Variants in CSMD3 observed in about 807,000 individuals in gnomAD.
The protein encoded by CSMD3 is CUB and sushi domain-containing protein 3.
Under a neutral mutation model 435.2 loss-of-function variants are expected in CSMD3, and 177 were observed. The ratio of observed to expected loss-of-function variants is 0.41; its 90% CI spans 0.36 to 0.46. The LOEUF is 0.46. Among genes scored for constraint, CSMD3 ranks in the 20% least tolerant of loss-of-function variants. The pLI, the probability that CSMD3 is intolerant of heterozygous loss-of-function variation, is 0.34. For synonymous variants in CSMD3, 1,656 were observed against 1,520.5 expected, an observed-to-expected ratio of 1.09 and a Z score of -2.07; for missense variants, 4,265 against 4,504.6, an observed-to-expected ratio of 0.95 and a Z score of 1.52.
intron 1 of CSMD3, among the ~76,000 whole-genome samples, chr8:113,408,760 GTTCAAGCGATTC>G (rs1287187873): frequency 4.0e-5 from 6 of 151,754 alleles, no homozygotes; most frequent in Admixed American, 1.3e-4. Context: ...TGGGTTCAAG[GTTCAAGCGATTC>G]TTCTGTCTCA....
intron 12 of CSMD3, among the ~76,000 whole-genome samples, chr8:112,824,608 C>T (rs1248569045): frequency 1.3e-5 from 2 of 152,096 alleles, no homozygotes; most frequent in Admixed American, 6.5e-5. Flanking sequence ...AAATTCTTTT[C>T]TTTAAGAATG....
chr8:112,609,201 CAAAAAAA>C (rs71566035), intron 22 of CSMD3, among the ~76,000 whole-genome samples: 13 of 43,096 alleles, frequency 3.0e-4, no homozygotes, highest in East Asian at 1.3e-3. Context: ...GATACTGCCT[CAAAAAAA>C]AAAAAAAAAA....
chr8:112,481,888 T>A (rs1819652453), intron 31 of CSMD3, among the ~76,000 whole-genome samples: 1 of 152,186 alleles, frequency 6.6e-6, no homozygotes, highest in South Asian at 2.1e-4. Flanking sequence ...TGTCTTTTTA[T>A]GTCTCCCCTA....
At chr8:112,573,686 A>T in intron 23 of CSMD3, 29 bp from the exon 24 acceptor site, 1 of 1,482,668 alleles carries the variant, frequency 6.7e-7, no homozygotes. Flanking sequence ...ATTAAAATGT[A>T]AATGTGCCAA....
intron 1 of CSMD3, among the ~76,000 whole-genome samples, chr8:113,366,253 C>T (rs2094310508): frequency 1.3e-5 from 2 of 151,958 alleles, no homozygotes; most frequent in Non-Finnish European, 2.9e-5. Context: ...CCATACCTCA[C>T]CAAAGAGCCC....
chr8:112,395,889 A>T (rs1830821027), intron 35 of CSMD3, among the ~76,000 whole-genome samples: 1 of 152,222 alleles, frequency 6.6e-6, no homozygotes, highest in African/African-American at 2.4e-5. Context: ...CTCAAGTCTA[A>T]TTTTTTTAAG....
At chr8:113,396,394 C>G (rs1252498008) in intron 1 of CSMD3, among the ~76,000 whole-genome samples, 2 of 152,130 alleles carry the variant, frequency 1.3e-5, no homozygotes, top group African/African-American at 4.8e-5. Flanking sequence ...AAGGCATTTA[C>G]TGGAGTACAA....
chr8:112,439,065 G>A (rs2130480255), intron 32 of CSMD3, among the ~76,000 whole-genome samples: 1 of 152,280 alleles, frequency 6.6e-6, no homozygotes, highest in South Asian at 2.1e-4. Context: ...ATGCTTCACA[G>A]ATATATTATG....
At chr8:112,801,962 T>G (rs1002590368) in intron 12 of CSMD3, among the ~76,000 whole-genome samples, 5 of 152,172 alleles carry the variant, frequency 3.3e-5, no homozygotes, top group Admixed American at 1.3e-4. Flanking sequence ...ACTGTTCTAT[T>G]ATCCTGAAAC....
intron 47 of CSMD3, among the ~76,000 whole-genome samples, chr8:112,315,077 A>T (rs1822339359): frequency 6.6e-6 from 1 of 151,940 alleles, no homozygotes; most frequent in African/African-American, 2.4e-5. Context: ...CTCTCAAAGT[A>T]TTCATTTCAA....
rs760816476 is a variant in CSMD3 at position 112,784,841 on chromosome 8, G to A, written c.1972+15321C>T. On this transcript the variant is annotated intron_variant, in intron 13 of 70. Coordinates refer to ENST00000297405, the MANE Select transcript of CSMD3 (RefSeq NM_198123.2). ...TTGATTTTACCAAATATTTAAAGAA[G>A]AGCAAATACTAATCTTACTCAAAGT... 2.6e-5 allele frequency among the ~76,000 whole-genome samples: 4 copies of A among 151,980 alleles called. No individual in the cohort carries two copies. In the South Asian group the frequency reaches 6.2e-4, roughly 24 times the overall value.
At chr8:113,147,612 G>C (rs1228126223) in intron 4 of CSMD3, among the ~76,000 whole-genome samples, 1 of 151,684 alleles carries the variant, frequency 6.6e-6, no homozygotes, top group Non-Finnish European at 1.5e-5. Context: ...AAACACTACT[G>C]TTCTGTTCTC....
At chr8:112,991,415 G>T (rs1231122693) in intron 6 of CSMD3, among the ~76,000 whole-genome samples, 2 of 151,594 alleles carry the variant, frequency 1.3e-5, no homozygotes, top group African/African-American at 4.8e-5. Context: ...GTGCAAAAAT[G>T]GTCAGCCAGT....
At chr8:112,420,902 T>C (rs971946722) in intron 32 of CSMD3, among the ~76,000 whole-genome samples, 4 of 152,148 alleles carry the variant, frequency 2.6e-5, no homozygotes, top group Non-Finnish European at 4.4e-5. Context: ...CTTGCTTTCA[T>C]TGAATTCTTT....
At chr8:112,599,299 C>G (rs1832083207) in intron 22 of CSMD3, among the ~76,000 whole-genome samples, 1 of 151,174 alleles carries the variant, frequency 6.6e-6, no homozygotes, top group Non-Finnish European at 1.5e-5. Context: ...CAGAGAAATG[C>G]AAATCAAAAC....
At chr8:112,231,104 A>G (rs1331964304) in intron 69 of CSMD3, among the ~76,000 whole-genome samples, 1 of 152,222 alleles carries the variant, frequency 6.6e-6, no homozygotes, top group Non-Finnish European at 1.5e-5. Context: ...CCCATTCCTC[A>G]AAGTTATTTT....
intron 21 of CSMD3, 32 bp from the exon 22 acceptor site, chr8:112,637,037 G>A: frequency 6.4e-7 from 1 of 1,557,012 alleles, no homozygotes. Flanking sequence ...TTCCCCGCGG[G>A]GGAGGAAAGG....
chr8:112,958,629 T>A (rs2084119907), intron 7 of CSMD3, among the ~76,000 whole-genome samples: 1 of 152,250 alleles, frequency 6.6e-6, no homozygotes, highest in Non-Finnish European at 1.5e-5. Context: ...AAACCTCATC[T>A]AATTTTCATG....
chr8:113,377,411 A>G (rs2094392816), intron 1 of CSMD3, among the ~76,000 whole-genome samples: 1 of 152,190 alleles, frequency 6.6e-6, no homozygotes, highest in Non-Finnish European at 1.5e-5. Context: ...TGATTTATCT[A>G]TTTCTTATCA....
Sources: gnomAD v4.1 joint callset for allele counts (sites outside exome capture counted in the v4.1 genomes callset) on GRCh38, gnomAD v4.1.1 for gene constraint, MANE v1.5 for transcripts, NCBI Gene and HGNC (gene_info 2026-07-23, HGNC 2026-07-21) for gene names.